Variants in TMEM232 observed in about 807,000 individuals in gnomAD.
TMEM232 encodes transmembrane protein 232.
Under a neutral mutation model 78.8 loss-of-function variants are expected in TMEM232, and 80 were observed. That is an observed-to-expected ratio of 1.01 (90% CI 0.85 to 1.22). TMEM232 has a LOEUF of 1.22. Among genes scored for constraint, TMEM232 ranks in the 50% most tolerant of loss-of-function variants. TMEM232 has a pLI of 0.00. For synonymous variants in TMEM232, 297 were observed against 254.3 expected (o/e 1.17, Z -1.60); for missense variants, 881 against 742.2 (o/e 1.19, Z -2.17).
intron 8 of TMEM232, among the ~76,000 whole-genome samples, chr5:110,613,628 T>C (rs899058067): frequency 3.9e-5 from 6 of 152,164 alleles, no homozygotes; most frequent in Non-Finnish European, 8.8e-5. Context: ...GATGAAGTCT[T>C]AATGCATCAT....
chr5:110,658,530 T>C (rs983304896), intron 2 of TMEM232, among the ~76,000 whole-genome samples: 1 of 152,040 alleles, frequency 6.6e-6, no homozygotes, highest in South Asian at 2.1e-4. Context: ...TAGAAGAAAA[T>C]TGAAGGCTGA....
chr5:110,652,796 CTT>C (rs1788519353), intron 2 of TMEM232, among the ~76,000 whole-genome samples: 1 of 152,176 alleles, frequency 6.6e-6, no homozygotes, highest in Admixed American at 6.5e-5. Flanking sequence ...AAAAAACAGA[CTT>C]AGGCTTCACG....
At chr5:110,587,217 C>T (rs559940186) in intron 10 of TMEM232, among the ~76,000 whole-genome samples, 1 of 151,798 alleles carries the variant, frequency 6.6e-6, no homozygotes, top group East Asian at 1.9e-4. Flanking sequence ...CACCCAGAGA[C>T]ACACACACAC....
rs144040294 is a variant in TMEM232 at position 110,429,085 on chromosome 5, T to G, written c.1704-4169A>C. ...TGTTATTAGGAGTGGGAAAAAATAA[T>G]AAGAAGAAAAAGCTTAGATTCTTCT... is the stretch of plus-strand genomic sequence containing the variant. On this transcript the variant is annotated intron_variant, in intron 12 of 13. Transcript: ENST00000455884. Among the ~76,000 whole-genome samples, 50 of 151,910 alleles carry G rather than the reference T, an allele frequency of 3.3e-4. 1 individual carries two copies. The South Asian group carries it at 5.0e-3, about 15-fold the overall frequency.
chr5:110,691,742 C>T (rs1794140250), intron 1 of TMEM232, among the ~76,000 whole-genome samples: 1 of 152,130 alleles, frequency 6.6e-6, no homozygotes, highest in Admixed American at 6.5e-5. Context: ...AACATTTTAC[C>T]CTACATACCG....
chr5:110,395,735 A>G (rs1755360975), intron 3 of TMEM232, among the ~76,000 whole-genome samples: 1 of 152,190 alleles, frequency 6.6e-6, no homozygotes, highest in Non-Finnish European at 1.5e-5. Flanking sequence ...GACAAGTTGA[A>G]ATCAAGAATC....
At chr5:110,734,485 G>C (rs1798974445) in intron 2 of TMEM232, among the ~76,000 whole-genome samples, 1 of 152,180 alleles carries the variant, frequency 6.6e-6, no homozygotes, top group Non-Finnish European at 1.5e-5. Context: ...GCTATGACAA[G>C]GGTATGGACA....
chr5:110,613,334 C>T (rs1375428450), intron 8 of TMEM232, among the ~76,000 whole-genome samples: 1 of 152,100 alleles, frequency 6.6e-6, no homozygotes, highest in Admixed American at 6.6e-5. Context: ...CCAATAGCAT[C>T]AGAAATGGGC....
In TMEM232 at chr5:110,532,545, A is replaced by G. The variant is rs566784800; in HGVS notation, c.1456-3710T>C. On this transcript the variant is annotated intron_variant, in intron 11 of 13. Coordinates refer to ENST00000455884, the MANE Select transcript of TMEM232 (RefSeq NM_001039763.4). ...CTCCCCAACTCTGGTGCCAACTTAC[A>G]CAATACTCTTTTAAGCACTCCTTTT... Among the ~76,000 whole-genome samples the G allele has an allele frequency of 2.7e-3, 408 of 151,932 alleles. 4 individuals carry two copies. Among genetic ancestry groups the G allele is most frequent in the Non-Finnish European group, 4.4e-3 (299 of 67,954 alleles).
intron 12 of TMEM232, among the ~76,000 whole-genome samples, chr5:110,488,946 C>T (rs1018435331): frequency 6.6e-6 from 1 of 151,872 alleles, no homozygotes; most frequent in Non-Finnish European, 1.5e-5. Context: ...CAACAAAACA[C>T]ATAACCTGAT....
At chr5:110,704,065 T>C (rs758588793) in intron 1 of TMEM232, among the ~76,000 whole-genome samples, 10 of 152,100 alleles carry the variant, frequency 6.6e-5, no homozygotes, top group Non-Finnish European at 1.2e-4. Flanking sequence ...ATACGCTCCA[T>C]TTCTGTCAAG....
chr5:110,627,663 T>A, intron 6 of TMEM232, 118 bp downstream of exon 6: 1 of 695,356 alleles, frequency 1.4e-6, no homozygotes, highest in Non-Finnish European at 2.3e-6. Flanking sequence ...TCTTCAACAC[T>A]GCACCTATTA....
intron 2 of TMEM232, among the ~76,000 whole-genome samples, chr5:110,413,338 G>A (rs1756067530): frequency 6.6e-6 from 1 of 152,122 alleles, no homozygotes; most frequent in African/African-American, 2.4e-5. Context: ...GGGCTCTCAG[G>A]CCTTCAGCCA....
chr5:110,524,947 A>G (rs1050298015), intron 12 of TMEM232, among the ~76,000 whole-genome samples: 3 of 151,986 alleles, frequency 2.0e-5, no homozygotes, highest in African/African-American at 7.2e-5. Flanking sequence ...ATCTAATGTA[A>G]GTATAGCCAC....
Position 110,528,829 on chromosome 5 carries a change from A to C in TMEM232, c.1462T>G (p.Leu488Val). Residue 488 changes from leucine (L) to valine (V), a missense_variant, in exon 12 of 14, where the codon TTA becomes GTA. By Grantham distance (32) the Leu-to-Val change is conservative (BLOSUM62 1). Transcript: ENST00000455884. Reference sequence around the variant, plus strand: ...GTGAAAGGATCAGTTGGGTCATTTAACTCAGCCTGTTGAAAGAAAAGAGAA... The same window carrying C: ...GTGAAAGGATCAGTTGGGTCATTTACCTCAGCCTGTTGAAAGAAAAGAGAA... ...QNAINIAQAELNDPTDPFTRY... is the reference protein window; with the variant it reads ...QNAINIAQAEVNDPTDPFTRY... 1 of 1,447,350 alleles carries C rather than the reference A, an allele frequency of 6.9e-7. No individual in the cohort carries two copies. 89.7% of individuals were successfully genotyped at this position (1,447,350 alleles called of 1,614,324 possible).
chr5:110,401,132 T>C (rs1319453349), intron 2 of TMEM232, among the ~76,000 whole-genome samples: 3 of 152,086 alleles, frequency 2.0e-5, no homozygotes, highest in South Asian at 4.1e-4. Flanking sequence ...AAAGCCACGG[T>C]AGTTTGACTA....
intron 2 of TMEM232, among the ~76,000 whole-genome samples, chr5:110,664,131 C>A (rs922918138): frequency 5.3e-5 from 8 of 151,958 alleles, no homozygotes; most frequent in South Asian, 2.1e-4. Flanking sequence ...TAGAGAAAGA[C>A]CCTGTCTGTA....
chr5:110,420,819 T>A, intron 13 of TMEM232, 63 bp from the exon 14 acceptor site: 1 of 1,465,036 alleles, frequency 6.8e-7, no homozygotes, highest in South Asian at 1.4e-5. Context: ...TCAGTTTAGC[T>A]GCTCAAAATG....
chr5:110,553,894 C>G (rs1774757807), intron 11 of TMEM232, among the ~76,000 whole-genome samples: 1 of 152,050 alleles, frequency 6.6e-6, no homozygotes, highest in African/African-American at 2.4e-5. Flanking sequence ...GCTTCAATTC[C>G]TTGTTTGTTG....
Sources: gnomAD v4.1 joint callset for allele counts (sites outside exome capture counted in the v4.1 genomes callset) on GRCh38, gnomAD v4.1.1 for gene constraint, MANE v1.5 for transcripts, NCBI Gene and HGNC (gene_info 2026-07-23, HGNC 2026-07-21) for gene names.